IARS2: variants seen among roughly 807,000 people sequenced by gnomAD.
The protein encoded by IARS2 is isoleucyl-tRNA synthetase 2, mitochondrial, also known as isoleucine--tRNA ligase, mitochondrial.
A neutral mutation model predicts 126.3 loss-of-function variants in IARS2; 56 were observed. The ratio of observed to expected loss-of-function variants is 0.44; its 90% confidence interval spans 0.36 to 0.55. The LOEUF (loss-of-function observed/expected upper bound fraction) is 0.55. Ranked by LOEUF, IARS2 falls within the 20% of genes least tolerant of loss-of-function variation. The probability of loss-of-function intolerance (pLI) is 0.00; values close to 1 mark genes in which losing one functional copy is unlikely to be tolerated. For synonymous variants in IARS2, 407 were observed against 441.1 expected (o/e 0.92, Z 0.97); for missense variants, 1,127 against 1,245.9 (o/e 0.90, Z 1.44).
At chr1:220,098,917 A>C (rs1450884073) in intron 2 of IARS2, among the ~76,000 whole-genome samples, 3 of 152,192 alleles carry the variant, frequency 2.0e-5, no homozygotes, top group Non-Finnish European at 4.4e-5. Context: ...ATTCAGTAGA[A>C]ATACAATGCA....
At chr1:220,135,252 A>G (rs1317392594) in intron 15 of IARS2, among the ~76,000 whole-genome samples, 1 of 152,212 alleles carries the variant, frequency 6.6e-6, no homozygotes, top group African/African-American at 2.4e-5. Flanking sequence ...TAGTACACAT[A>G]ATTACTTTTT....
intron 12 of IARS2, among the ~76,000 whole-genome samples, chr1:220,115,115 C>A (rs1656888176): frequency 6.6e-6 from 1 of 152,122 alleles, no homozygotes; most frequent in Admixed American, 6.6e-5. Context: ...ATGAATTCTT[C>A]TGTCAGCACA....
intron 15 of IARS2, 59 bp from the exon 16 acceptor site, chr1:220,136,750 T>G (rs1025311355): frequency 1.2e-6 from 1 of 866,728 alleles, no homozygotes; most frequent in Admixed American, 2.4e-5. Context: ...CTGTACCTAA[T>G]CTTCAAAAAG....
chr1:220,125,845 A>G (rs1294794745), intron 13 of IARS2, among the ~76,000 whole-genome samples: 1 of 151,942 alleles, frequency 6.6e-6, no homozygotes, highest in Non-Finnish European at 1.5e-5. Flanking sequence ...AGTGGTGCAC[A>G]CCTGTAATCC....
chr1:220,121,302 T>G (rs1657046571), intron 12 of IARS2, among the ~76,000 whole-genome samples: 2 of 152,210 alleles, frequency 1.3e-5, no homozygotes, highest in Admixed American at 6.5e-5. Flanking sequence ...TTAAAAAGTT[T>G]TTTAAATTTG....
chr1:220,094,922 G>A (rs2102814575), intron 1 of IARS2, among the ~76,000 whole-genome samples: 1 of 152,092 alleles, frequency 6.6e-6, no homozygotes, highest in Admixed American at 6.5e-5. Flanking sequence ...AGAATCGCTT[G>A]AGCCAAGAGT....
rs1396643593 is a variant in IARS2 at position 220,103,518 on chromosome 1, C to T, written c.1022C>T (p.Ala341Val). The T allele has an allele frequency of 6.2e-7, 1 of 1,613,112 alleles. No individual in the cohort carries two copies. Among genetic ancestry groups the T allele is most frequent in the Non-Finnish European group, 8.5e-7 (1 of 1,179,208 alleles). Residue 341 changes from alanine to valine, a missense_variant, in exon 8 of 23, where the codon GCT (alanine) becomes GTT (valine). Physicochemically the swap from Ala to Val is moderately conservative, Grantham distance 64. Coordinates refer to ENST00000366922, the MANE Select transcript of IARS2 (RefSeq NM_018060.4). The stretch of plus-strand genomic sequence containing the variant: ...GCGGCAGATAAAGTAGCATCTGTTG[C>T]TTCTACTTTGGAAACAACATTTGAG... ...VLAADKVASV[A>V]STLETTFETI...
intron 12 of IARS2, among the ~76,000 whole-genome samples, chr1:220,119,179 G>A (rs1339296888): frequency 1.3e-5 from 2 of 152,040 alleles, no homozygotes; most frequent in Non-Finnish European, 2.9e-5. Context: ...AGTTCAGAAT[G>A]ATTGGCTGAT....
chr1:220,145,509 A>G lies in IARS2; in HGVS notation c.2752A>G (p.Met918Val), dbSNP rs762550728. The G allele has an allele frequency of 9.4e-6, 15 of 1,602,396 alleles. No homozygotes were observed. The Admixed American group carries it at 2.4e-4, about 26-fold the overall frequency. The change falls in exon 22 of 23, where the codon ATG becomes GTG. Residue 918 changes from methionine (M) to valine (V), a missense_variant and splice_region_variant. By Grantham distance (21) the Met-to-Val change is conservative. Transcript: ENST00000366922. ...GTAACTTTCACATGCTTCCTTCCAG[A>G]TGCTGCAGTCTGAAGAGACTTCCAG... ...EPGLLFEIIEMLQSEETSSTS... is the reference protein window; with the variant it reads ...EPGLLFEIIEVLQSEETSSTS...
rs867618023 is a variant in IARS2, at chr1:220,106,962, C to T, written c.1237-99C>T. ...CTAGAATTTCAATGTAGAAAAAGAC[C>T]AGGCTATACTGAGATGTTTTTATAT... On this transcript the variant is annotated intron_variant, in intron 9 of 22. Coordinates refer to ENST00000366922, the MANE Select transcript of IARS2 (RefSeq NM_018060.4). 13 of 829,570 alleles carry T rather than the reference C, an allele frequency of 1.6e-5. No individual in the cohort carries two copies. The Middle Eastern group carries it at 2.1e-3, about 134-fold the overall frequency. The allele number at this position is 829,570 out of a possible 1,614,324, so 51.4% of individuals were successfully genotyped here.
chr1:220,146,194 C>T (rs1657583706), intron 22 of IARS2, among the ~76,000 whole-genome samples: 1 of 152,158 alleles, frequency 6.6e-6, no homozygotes, highest in Non-Finnish European at 1.5e-5. Context: ...TCTGGTTCAT[C>T]TTCATTGGTA....
chr1:220,141,827 C>T lies in IARS2; in HGVS notation c.2439C>T (p.Asp813=). The change falls in exon 20 of 23, where the codon GAC becomes GAT. Residue 813 remains aspartate, a synonymous_variant. Coordinates refer to ENST00000366922, the MANE Select transcript of IARS2 (RefSeq NM_018060.4). ...GGCTCTATTGTGAAAAGGAAAATGA[C>T]CCCAAACGACGCTCTTGTCAGACTG... is the stretch of plus-strand genomic sequence containing the variant. ...KDRLYCEKEN[D]PKRRSCQTAL... is the part of the protein sequence containing the mutation. The T allele has an allele frequency of 6.2e-7, 1 of 1,614,022 alleles. No homozygotes were observed.
intron 13 of IARS2, 100 bp from the exon 14 acceptor site, chr1:220,126,650 C>T: frequency 1.2e-6 from 1 of 835,292 alleles, no homozygotes; most frequent in South Asian, 1.5e-5. Context: ...ATGTGAACTT[C>T]ATGGTTGCAT....
intron 14 of IARS2, among the ~76,000 whole-genome samples, chr1:220,131,014 G>C (rs1359065928): frequency 6.6e-6 from 1 of 152,170 alleles, no homozygotes; most frequent in South Asian, 2.1e-4. Flanking sequence ...AAGTTGGGCA[G>C]TGTGATGCCT....
chr1:220,130,904 G>A (rs1016672019), intron 14 of IARS2, among the ~76,000 whole-genome samples: 1 of 152,130 alleles, frequency 6.6e-6, no homozygotes, highest in Non-Finnish European at 1.5e-5. Flanking sequence ...CAATAAACTG[G>A]TAGATTTATT....
intron 14 of IARS2, among the ~76,000 whole-genome samples, chr1:220,132,316 T>C (rs1657286552): frequency 6.6e-6 from 1 of 152,156 alleles, no homozygotes; most frequent in South Asian, 2.1e-4. Context: ...CCTAGACTTT[T>C]CTTTGTTGGG....
In IARS2 at chr1:220,137,906, C is replaced by T. The variant is rs1657411271; in HGVS notation, c.2050-12C>T. Reference sequence around the variant, plus strand: ...AGCCATTGTGTTTATATATTTTTTTCTCAATGAAAAGGATCAAAGCAAAGA... The same window carrying T: ...AGCCATTGTGTTTATATATTTTTTTTTCAATGAAAAGGATCAAAGCAAAGA... On this transcript the variant is annotated splice_polypyrimidine_tract_variant and intron_variant, in intron 16 of 22. Coordinates refer to ENST00000366922, the MANE Select transcript of IARS2 (RefSeq NM_018060.4). 6.2e-7 allele frequency: 1 copy of T among 1,612,248 alleles called. No homozygotes were observed. Among genetic ancestry groups the T allele is most frequent in the African/African-American group, 1.3e-5 (1 of 74,868 alleles).
chr1:220,114,450 C>G lies in IARS2; in HGVS notation c.1616C>G (p.Thr539Ser). ...GVPIPVFHHK[T>S]KDEYLINSQT... ...CCAATTCCTGTGTTTCATCATAAGA[C>G]CAAGGATGAATACTTGATCAACAGG... Residue 539 changes from threonine to serine, a missense_variant, in exon 12 of 23, where the codon ACC becomes AGC. Coordinates refer to ENST00000366922, the MANE Select transcript of IARS2 (RefSeq NM_018060.4). The G allele has an allele frequency of 1.2e-6, 2 of 1,613,298 alleles. No individual in the cohort carries two copies.
intron 11 of IARS2, among the ~76,000 whole-genome samples, chr1:220,113,805 G>C (rs1394642727): frequency 6.6e-6 from 1 of 151,986 alleles, no homozygotes; most frequent in Non-Finnish European, 1.5e-5. Context: ...CCACATACTT[G>C]GGCTTATTTT....
Sources: allele counts gnomAD v4.1 joint callset (sites outside exome capture counted in the v4.1 genomes callset), GRCh38; gene constraint gnomAD v4.1.1; transcripts MANE v1.5; gene names NCBI Gene and HGNC (gene_info 2026-07-23, HGNC 2026-07-21).